Variants in AXIN1 observed in about 807,000 individuals in gnomAD.
AXIN1 encodes the protein axin 1.
AXIN1 carries 30 observed loss-of-function variants against 76.4 expected under a neutral mutation model. The ratio of observed to expected loss-of-function variants is 0.39; its 90% CI spans 0.29 to 0.53. The LOEUF is 0.53. AXIN1 is among the 20% of genes least tolerant of loss of function. The pLI is 0.66. For synonymous variants in AXIN1, 545 were observed against 501.4 expected (o/e 1.09, Z -1.16); for missense variants, 1,140 against 1,198.8 (o/e 0.95, Z 0.72).
intron 2 of AXIN1, among the ~76,000 whole-genome samples, chr16:329,295 A>G (rs1455713569): frequency 7.0e-6 from 1 of 142,728 alleles, no homozygotes; most frequent in Admixed American, 6.9e-5. Context: ...AAAAAAAAAA[A>G]GATACTGAAA....
intron 4 of AXIN1, among the ~76,000 whole-genome samples, chr16:309,117 T>A (rs753641983): frequency 6.6e-6 from 1 of 151,924 alleles, no homozygotes; most frequent in Non-Finnish European, 1.5e-5. Flanking sequence ...GATCACGAGG[T>A]CAGGAGATCG....
chr16:307,630 C>G (rs933562359), intron 4 of AXIN1, among the ~76,000 whole-genome samples: 4 of 152,196 alleles, frequency 2.6e-5, no homozygotes, highest in Non-Finnish European at 5.9e-5. Context: ...AAGAGTCTCA[C>G]AAGGTGCACA....
At chr16:292,690 G>T (rs1190155541) in intron 8 of AXIN1, 3 of 152,254 alleles carry the variant, frequency 2.0e-5, no homozygotes. Context: ...GATCTGTGGG[G>T]AATTCCAATG....
chr16:291,347 TG>T, intron 8 of AXIN1, 50 bp from the exon 9 acceptor site: 1 of 1,481,442 alleles, frequency 6.8e-7, no homozygotes, highest in Non-Finnish European at 9.2e-7. Flanking sequence ...CCACCAGCCC[TG>T]GGGAGGGAGC....
At chr16:339,795 T>A (rs1453468375) in intron 2 of AXIN1, among the ~76,000 whole-genome samples, 1 of 151,930 alleles carries the variant, frequency 6.6e-6, no homozygotes, top group Non-Finnish European at 1.5e-5. Context: ...GCAGTATGGC[T>A]CACAAGCACC....
At chr16:330,704 G>C (rs912695700) in intron 2 of AXIN1, among the ~76,000 whole-genome samples, 1 of 152,232 alleles carries the variant, frequency 6.6e-6, no homozygotes, top group East Asian at 1.9e-4. Flanking sequence ...GTAATGAAGA[G>C]TGGTAACATT....
At chr16:341,728 G>C (rs1194518064) in intron 2 of AXIN1, among the ~76,000 whole-genome samples, 3 of 152,378 alleles carry the variant, frequency 2.0e-5, no homozygotes, top group Non-Finnish European at 4.4e-5. Flanking sequence ...GGGACGTGGA[G>C]AACCTTTATG....
Position 297,850 on chromosome 16 carries a change from G to C in AXIN1, c.1656C>G (p.Ala552=), listed in dbSNP as rs115321780. ...STARPKEQVE[A]EATRRAQSSF... is the part of the protein sequence containing the mutation. The stretch of plus-strand genomic sequence containing the variant: ...TGCTCTGGGCCCTGCGGGTGGCCTC[G>C]GCCTCCACCTGCTCCTTGGGCCGGG... Residue 552 remains alanine (A), a synonymous_variant, in exon 6 of 11, where the codon GCC becomes GCG. Transcript: ENST00000262320. 4 of 1,578,408 alleles carry C rather than the reference G, an allele frequency of 2.5e-6. No homozygotes were observed. Among genetic ancestry groups the C allele is most frequent in the Non-Finnish European group, 3.4e-6 (4 of 1,161,102 alleles).
intron 2 of AXIN1, among the ~76,000 whole-genome samples, chr16:321,100 G>T (rs1049006788): frequency 4.6e-5 from 7 of 152,142 alleles, no homozygotes; most frequent in African/African-American, 7.2e-5. Context: ...AACATGGGAA[G>T]AGGAGGCTGG....
At chr16:333,333 G>GAA (rs947297130) in intron 2 of AXIN1, among the ~76,000 whole-genome samples, 1 of 139,880 alleles carries the variant, frequency 7.1e-6, no homozygotes. Flanking sequence ...ATTCCATCTC[G>GAA]AAAAAAAAAA....
intron 5 of AXIN1, among the ~76,000 whole-genome samples, chr16:298,804 T>C (rs970256196): frequency 1.3e-5 from 2 of 152,122 alleles, no homozygotes; most frequent in Non-Finnish European, 2.9e-5. Flanking sequence ...AGTCTTGCTC[T>C]GTTACCCAGG....
intron 2 of AXIN1, among the ~76,000 whole-genome samples, chr16:319,562 G>A (rs28461430): frequency 0.3 from 45,290 of 152,010 alleles, 6,997 homozygotes; most frequent in South Asian, 0.42. Context: ...CTCTAGGCTG[G>A]CCTAGGAGGC....
chr16:348,488 C>T (rs2054077188), intron 1 of AXIN1, among the ~76,000 whole-genome samples: 1 of 152,236 alleles, frequency 6.6e-6, no homozygotes, highest in Non-Finnish European at 1.5e-5. Flanking sequence ...CCAACAGCTG[C>T]TCACGGCTGG....
chr16:338,698 G>A (rs569635361), intron 2 of AXIN1, among the ~76,000 whole-genome samples: 78 of 152,234 alleles, frequency 5.1e-4, no homozygotes, highest in Admixed American at 3.5e-3. Context: ...CAAGGTGGGC[G>A]GACCACTTAA....
chr16:324,409 G>A (rs1175840609), intron 2 of AXIN1, among the ~76,000 whole-genome samples: 3 of 152,228 alleles, frequency 2.0e-5, no homozygotes, highest in African/African-American at 7.2e-5. Flanking sequence ...GGAAAGGCGG[G>A]TCAGGCACAG....
chr16:331,172 G>A (rs892423731), intron 2 of AXIN1, among the ~76,000 whole-genome samples: 1 of 152,100 alleles, frequency 6.6e-6, no homozygotes, highest in African/African-American at 2.4e-5. Context: ...AACAACTTCT[G>A]AAAGCCACGT....
chr16:312,745 C>A (rs2053211366), intron 3 of AXIN1, among the ~76,000 whole-genome samples: 1 of 152,258 alleles, frequency 6.6e-6, no homozygotes, highest in African/African-American at 2.4e-5. Context: ...GCTGCCCCTG[C>A]ACTACCACAG....
At chr16:333,521 C>T (rs1254212322) in intron 2 of AXIN1, among the ~76,000 whole-genome samples, 1 of 151,430 alleles carries the variant, frequency 6.6e-6, no homozygotes, top group East Asian at 1.9e-4. Context: ...AAGAAAAAAG[C>T]CCCCAGCAAA....
In AXIN1 at chr16:293,414, T is replaced by C; in HGVS notation, c.2186+74A>G. On this transcript the variant is annotated intron_variant, in intron 8 of 10. Transcript: ENST00000262320. The surrounding 1 kb of genome is among the most constrained non-coding windows in gnomAD (Gnocchi z 4.6). ...GTTTTTCCCCTGAAGACCTCAGGCC[T>C]CGGGGAGCTTCAGCCCCAGGAGTGG... 6.8e-7 allele frequency: 1 copy of C among 1,473,934 alleles called. No homozygotes were observed. The highest frequency in any genetic ancestry group is 2.3e-5 in the East Asian group (1 of 43,298). 91.3% of individuals were successfully genotyped at this position (1,473,934 alleles called of 1,614,324 possible).
Sources: allele counts gnomAD v4.1 joint callset (sites outside exome capture counted in the v4.1 genomes callset), GRCh38; gene constraint gnomAD v4.1.1; non-coding constraint Gnocchi (gnomAD v3.1); transcripts MANE v1.5; gene names NCBI Gene and HGNC (gene_info 2026-07-23, HGNC 2026-07-21).